The following PDS5B variants were observed in gnomAD, a reference collection of about 807,000 sequenced individuals.
PDS5B encodes PDS5 cohesin associated factor B.
A neutral mutation model predicts 184.1 loss-of-function variants in PDS5B; 51 were observed. That is an observed-to-expected ratio of 0.28 (90% confidence interval 0.22 to 0.35). The LOEUF (loss-of-function observed/expected upper bound fraction) is 0.35, where lower values mean the gene tolerates loss of function less well. PDS5B is among the 10% of genes least tolerant of loss of function. The probability of loss-of-function intolerance (pLI) is 1.00; values close to 1 mark genes in which losing one functional copy is unlikely to be tolerated. For missense variants in PDS5B, 1,180 were observed against 1,723.3 expected, an observed-to-expected ratio of 0.68 and a Z score of 5.58; for synonymous variants, 566 against 569.2, an observed-to-expected ratio of 0.99 and a Z score of 0.08.
At chr13:32,616,702 C>T (rs942871894) in intron 1 of PDS5B, among the ~76,000 whole-genome samples, 2 of 152,076 alleles carry the variant, frequency 1.3e-5, no homozygotes, top group Non-Finnish European at 2.9e-5. Flanking sequence ...TATTTATTTA[C>T]CTGAGACAAT....
chr13:32,682,281 CT>C (rs1360505214), intron 10 of PDS5B, among the ~76,000 whole-genome samples: 1 of 152,098 alleles, frequency 6.6e-6, no homozygotes, highest in Non-Finnish European at 1.5e-5. Flanking sequence ...AAAAGTCCCC[CT>C]GTATCCCCTT....
In PDS5B at chr13:32,736,816, C is replaced by T. The variant is rs140222046; in HGVS notation, c.2406+1486C>T. Among the ~76,000 whole-genome samples, 122 of 152,146 alleles carry T rather than the reference C, an allele frequency of 8.0e-4. No individual in the cohort carries two copies. The Middle Eastern group carries it at 0.014, about 17-fold the overall frequency. On this transcript the variant is annotated intron_variant, in intron 21 of 34. Transcript: ENST00000315596. Reference sequence around the variant, plus strand: ...CACTTTTGTGTACTTTTCTGCCAGCCTCCTCATGCTTCAGTTTTTGTTTTT... The same window carrying T: ...CACTTTTGTGTACTTTTCTGCCAGCTTCCTCATGCTTCAGTTTTTGTTTTT...
intron 19 of PDS5B, among the ~76,000 whole-genome samples, chr13:32,712,343 G>T (rs539685228): frequency 6.6e-6 from 1 of 152,278 alleles, no homozygotes; most frequent in East Asian, 1.9e-4. Context: ...AATTAACTCA[G>T]CTGATACTGA....
intron 7 of PDS5B, 31 bp downstream of exon 7, chr13:32,667,875 G>T: frequency 1.5e-6 from 2 of 1,303,068 alleles, no homozygotes; most frequent in South Asian, 1.4e-5. Context: ...GTTGTCAGAA[G>T]GATTAAACTG....
rs549701718 is a variant in PDS5B, at chr13:32,624,038, T to A, written c.-19-24716T>A. 3.1e-3 allele frequency among the ~76,000 whole-genome samples: 470 copies of A among 149,780 alleles called. 3 individuals carry two copies. Among genetic ancestry groups the A allele is most frequent in the Admixed American group, 0.013 (192 of 15,006 alleles). The stretch of plus-strand genomic sequence containing the variant: ...TGTTGGCCAAGCTATTCCTTTTTTT[T>A]AAAAAAAAAAATTGTTACACTTGAA... On this transcript the variant is annotated intron_variant, in intron 1 of 34. Transcript: ENST00000315596.
At chr13:32,757,122 G>A (rs1323682341) in intron 26 of PDS5B, among the ~76,000 whole-genome samples, 2 of 149,590 alleles carry the variant, frequency 1.3e-5, no homozygotes, top group East Asian at 2.0e-4. Context: ...GTGAGACTCT[G>A]TCTCTATTAA....
At chr13:32,742,812 C>CTT in intron 23 of PDS5B, 85 bp downstream of exon 23, 11 of 1,108,102 alleles carry the variant, frequency 9.9e-6, no homozygotes, top group Non-Finnish European at 1.4e-5. Context: ...GTTTCTTTTT[C>CTT]TTTTTTTTTT....
At chr13:32,687,037 TA>T in intron 11 of PDS5B, 96 bp from the exon 12 acceptor site, 1 of 892,486 alleles carries the variant, frequency 1.1e-6, no homozygotes, top group Non-Finnish European at 1.7e-6. Flanking sequence ...AAAAAATGTA[TA>T]AAGGGAAGGA....
At chr13:32,739,769 T>C (rs1190962156) in intron 21 of PDS5B, among the ~76,000 whole-genome samples, 3 of 142,180 alleles carry the variant, frequency 2.1e-5, no homozygotes, top group Non-Finnish European at 4.6e-5. Context: ...ATATTTTATT[T>C]GGTGTTGTAA....
chr13:32,669,927 T>G (rs186752696), intron 7 of PDS5B, among the ~76,000 whole-genome samples: 2 of 152,316 alleles, frequency 1.3e-5, no homozygotes, highest in East Asian at 1.9e-4. Flanking sequence ...CACTTTCTAG[T>G]GGACTTAATC....
At chr13:32,727,969 AT>A (rs553209340) in intron 19 of PDS5B, among the ~76,000 whole-genome samples, 24 of 150,820 alleles carry the variant, frequency 1.6e-4, no homozygotes, top group Middle Eastern at 3.4e-3. Flanking sequence ...CTGTCTTACT[AT>A]TTTTTTCTTG....
chr13:32,634,525 C>G (rs2058507654), intron 1 of PDS5B, among the ~76,000 whole-genome samples: 1 of 151,136 alleles, frequency 6.6e-6, no homozygotes, highest in Non-Finnish European at 1.5e-5. Flanking sequence ...TATAGGTTTT[C>G]TCTTGGATGG....
intron 21 of PDS5B, 30 bp from the exon 22 acceptor site, chr13:32,741,050 G>T (rs748055829): frequency 0.025 from 24,990 of 1,015,738 alleles, 406 homozygotes; most frequent in South Asian, 0.078. Context: ...TAAAGTCCCT[G>T]GTTTTTTTTT....
intron 1 of PDS5B, among the ~76,000 whole-genome samples, chr13:32,610,585 A>G (rs1186383788): frequency 6.6e-6 from 1 of 151,902 alleles, no homozygotes; most frequent in Admixed American, 6.6e-5. Flanking sequence ...CAATGTGCCA[A>G]TGTTAGTAGT....
chr13:32,752,371 G>C (rs1213258142), intron 24 of PDS5B, among the ~76,000 whole-genome samples: 1 of 152,078 alleles, frequency 6.6e-6, no homozygotes, highest in African/African-American at 2.4e-5. Context: ...ATCCACTGTG[G>C]GTCTTGGAAT....
At chr13:32,661,493 G>A (rs1950647681) in intron 6 of PDS5B, among the ~76,000 whole-genome samples, 1 of 151,180 alleles carries the variant, frequency 6.6e-6, no homozygotes, top group Admixed American at 6.6e-5. Flanking sequence ...AACTGGGATA[G>A]ATGTGAGGAA....
intron 18 of PDS5B, among the ~76,000 whole-genome samples, chr13:32,708,271 C>T (rs1019238845): frequency 6.6e-6 from 1 of 152,226 alleles, no homozygotes. Flanking sequence ...TCTGCCCTAT[C>T]ACTGGCTTGC....
chr13:32,651,146 AAG>A (rs1950357650), intron 2 of PDS5B, among the ~76,000 whole-genome samples: 1 of 152,212 alleles, frequency 6.6e-6, no homozygotes, highest in Non-Finnish European at 1.5e-5. Flanking sequence ...TTTTTGAAAA[AAG>A]AACCATTTCT....
chr13:32,717,858 A>G (rs984275920), intron 19 of PDS5B, among the ~76,000 whole-genome samples: 1 of 151,850 alleles, frequency 6.6e-6, no homozygotes, highest in African/African-American at 2.4e-5. Flanking sequence ...AGCCAGGATA[A>G]CTAACATGAA....
Sources: gnomAD v4.1 joint callset for allele counts (sites outside exome capture counted in the v4.1 genomes callset) on GRCh38, gnomAD v4.1.1 for gene constraint, MANE v1.5 for transcripts, NCBI Gene and HGNC (gene_info 2026-07-23, HGNC 2026-07-21) for gene names.